Variants in CTNNA3 observed in about 807,000 individuals in gnomAD.
CTNNA3 encodes the protein catenin alpha 3, also known as catenin alpha-3.
CTNNA3 carries 76 observed loss-of-function variants against 95.7 expected under a neutral mutation model. The ratio of observed to expected loss-of-function variants is 0.79; its 90% confidence interval spans 0.66 to 0.96. The LOEUF (loss-of-function observed/expected upper bound fraction) is 0.96. CTNNA3 is among the 40% of genes least tolerant of loss of function. The probability of loss-of-function intolerance (pLI) is 0.00; values close to 1 mark genes in which losing one functional copy is unlikely to be tolerated. For synonymous variants in CTNNA3, 431 were observed against 374.4 expected (o/e 1.15, Z -1.74); for missense variants, 1,191 against 1,089.8 (o/e 1.09, Z -1.31).
At chr10:66,534,469 CATATATATATATATATATAT>C (rs58455418) in intron 10 of CTNNA3, among the ~76,000 whole-genome samples, 96,737 of 146,828 alleles carry the variant, frequency 0.66, 34,546 homozygotes, top group Non-Finnish European at 0.8. Context: ...TTATAAAAAT[CATATATATATATATATATAT>C]ATATATATAT....
chr10:67,645,242 A>C (rs1839669785), intron 2 of CTNNA3, among the ~76,000 whole-genome samples: 1 of 152,088 alleles, frequency 6.6e-6, no homozygotes, highest in African/African-American at 2.4e-5. Flanking sequence ...TTTAATGTGA[A>C]TTTACTTAGA....
At chr10:67,238,553 T>G (rs1054703080) in intron 5 of CTNNA3, among the ~76,000 whole-genome samples, 16 of 152,122 alleles carry the variant, frequency 1.1e-4, no homozygotes, top group Admixed American at 3.3e-4. Context: ...TACCTTAAGA[T>G]AACAAATGAT....
intron 15 of CTNNA3, among the ~76,000 whole-genome samples, chr10:66,019,618 T>C (rs1003402181): frequency 6.6e-6 from 1 of 151,964 alleles, no homozygotes; most frequent in Non-Finnish European, 1.5e-5. Flanking sequence ...ATATATTAAA[T>C]GATCTAAGTA....
intron 11 of CTNNA3, among the ~76,000 whole-genome samples, chr10:66,486,665 A>T (rs1022784817): frequency 6.6e-6 from 1 of 152,168 alleles, no homozygotes; most frequent in Non-Finnish European, 1.5e-5. Flanking sequence ...GAACTAATAT[A>T]TGATCCCACA....
Position 67,726,564 on chromosome 10 carries a change from A to ATATATTACATATTATATAATATGTAATAT in CTNNA3, c.-2+36841_-2+36869dup, listed in dbSNP as rs1442152720. Reference sequence around the variant, plus strand: ...TATATTACATATTATATAATATAATATATATTACATATTATATAATATGTA... The same window carrying ATATATTACATATTATATAATATGTAATAT: ...TATATTACATATTATATAATATAATATATATTACATATTATATAATATGTAATATTATATTACATATTATATAATATGTA... On this transcript the variant is annotated intron_variant, in intron 1 of 17. Coordinates refer to the CTNNA3 transcript ENST00000684154. Among the ~76,000 whole-genome samples the ATATATTACATATTATATAATATGTAATAT allele has an allele frequency of 0.012, 843 of 70,826 alleles. 65 individuals are homozygous for ATATATTACATATTATATAATATGTAATAT. The East Asian group carries it at 0.2, about 17-fold the overall frequency. 46.5% of individuals were successfully genotyped at this position (70,826 alleles called of 152,430 possible). A position where few individuals can be genotyped will look rare whatever the true frequency, so the allele number is the denominator to read the frequency against.
intron 1 of CTNNA3, among the ~76,000 whole-genome samples, chr10:67,724,584 A>G (rs1009098483): frequency 1.3e-5 from 2 of 152,164 alleles, no homozygotes; most frequent in African/African-American, 4.8e-5. Flanking sequence ...TATCCACAGA[A>G]GTTCAGAGGA....
In CTNNA3 at chr10:67,726,585, ATG is replaced by A. The variant is rs1158127123; in HGVS notation, c.-2+36847_-2+36848del. 1.8e-3 allele frequency among the ~76,000 whole-genome samples: 118 copies of A among 66,110 alleles called. 1 individual carries two copies. The highest frequency in any genetic ancestry group is 9.1e-3 in the African/African-American group (109 of 11,960). 43.4% of individuals were successfully genotyped at this position (66,110 alleles called of 152,430 possible). On this transcript the variant is annotated intron_variant, in intron 1 of 17. Coordinates refer to the CTNNA3 transcript ENST00000684154. The stretch of plus-strand genomic sequence containing the variant: ...TAATATATATTACATATTATATAAT[ATG>A]TAATATTATATTACATATTATATAA...
intron 17 of CTNNA3, among the ~76,000 whole-genome samples, chr10:65,957,259 C>T (rs2077750672): frequency 1.3e-5 from 2 of 152,106 alleles, no homozygotes; most frequent in South Asian, 4.1e-4. Flanking sequence ...TTCCTCCATC[C>T]CTTTATTTTG....
chr10:67,575,317 C>T (rs1038934793), intron 3 of CTNNA3, among the ~76,000 whole-genome samples: 1 of 140,744 alleles, frequency 7.1e-6, no homozygotes, highest in Non-Finnish European at 1.5e-5. Context: ...TCTTCTGAAA[C>T]CGTATGTCGT....
intron 5 of CTNNA3, among the ~76,000 whole-genome samples, chr10:67,451,018 G>A (rs1457992009): frequency 2.6e-5 from 4 of 151,992 alleles, no homozygotes; most frequent in Non-Finnish European, 4.4e-5. Flanking sequence ...TAAGAGGTAG[G>A]GCCTTTATGA....
At position 66,360,723 on chromosome 10, in the gene CTNNA3, CCTTTCTTT is replaced by C. The variant is rs796498927; in HGVS notation, c.1732+18421_1732+18428del. 1.4e-3 allele frequency among the ~76,000 whole-genome samples: 67 copies of C among 47,806 alleles called. 3 individuals are homozygous for C. Among genetic ancestry groups the C allele is most frequent in the African/African-American group, 5.2e-3 (61 of 11,844 alleles). The allele number at this position is 47,806 out of a possible 152,430, so 31.4% of individuals were successfully genotyped here. A position where few individuals can be genotyped will look rare whatever the true frequency, so the allele number is the denominator to read the frequency against. On this transcript the variant is annotated intron_variant, in intron 12 of 17. Coordinates refer to ENST00000433211, the MANE Select transcript of CTNNA3 (RefSeq NM_013266.4). Reference sequence around the variant, plus strand: ...TTCTTTCTTTCCTCCTTCCTTTCTTCCTTTCTTTCTTTCTTTCTTTCTTCCTTCCTTCC... The same window carrying C: ...TTCTTTCTTTCCTCCTTCCTTTCTTCCTTTCTTTCTTTCTTCCTTCCTTCC...
At chr10:66,201,089 T>G (rs1331204377) in intron 13 of CTNNA3, among the ~76,000 whole-genome samples, 2 of 152,222 alleles carry the variant, frequency 1.3e-5, no homozygotes, top group African/African-American at 4.8e-5. Flanking sequence ...ATCTATAAAC[T>G]TATGTGATTT....
chr10:66,332,306 G>T (rs1460323770), intron 12 of CTNNA3, among the ~76,000 whole-genome samples: 1 of 151,710 alleles, frequency 6.6e-6, no homozygotes, highest in African/African-American at 2.4e-5. Context: ...GTGAGAGAGG[G>T]TATCCCTGTC....
At chr10:66,855,745 G>A (rs907090895) in intron 7 of CTNNA3, among the ~76,000 whole-genome samples, 4 of 151,900 alleles carry the variant, frequency 2.6e-5, no homozygotes, top group Admixed American at 2.6e-4. Flanking sequence ...AAGCTATCTT[G>A]CATTAAAAGA....
intron 13 of CTNNA3, among the ~76,000 whole-genome samples, chr10:66,163,534 C>T (rs531682212): frequency 7.9e-5 from 12 of 152,156 alleles, no homozygotes; most frequent in Non-Finnish European, 1.8e-4. Context: ...CCCACTTCTT[C>T]AGTTAGGACA....
intron 1 of CTNNA3, among the ~76,000 whole-genome samples, chr10:67,659,218 C>A (rs1840110586): frequency 6.6e-6 from 1 of 152,066 alleles, no homozygotes; most frequent in African/African-American, 2.4e-5. Context: ...AATAGCTGGT[C>A]AAATCTAATC....
At position 66,387,624 on chromosome 10, in the gene CTNNA3, TACA is replaced by T. The variant is rs1351619831; in HGVS notation, c.1532-8275_1532-8273del. ...ATATACAAAGGATTATAAATCATGC[TACA>T]ATAAAGACACATGCACACGTATGTT... On this transcript the variant is annotated intron_variant, in intron 11 of 17. Transcript: ENST00000433211. 5.3e-5 allele frequency among the ~76,000 whole-genome samples: 8 copies of T among 152,302 alleles called. No homozygotes were observed. In the East Asian group the frequency reaches 1.2e-3, roughly 22 times the overall value.
At chr10:67,528,315 C>T (rs1000021669) in intron 4 of CTNNA3, among the ~76,000 whole-genome samples, 1 of 152,100 alleles carries the variant, frequency 6.6e-6, no homozygotes, top group Non-Finnish European at 1.5e-5. Context: ...GAAGTCCCCT[C>T]ATCATTACCC....
At position 66,927,515 on chromosome 10, in the gene CTNNA3, T is replaced by G; in HGVS notation, c.1048-151991A>C. 1 of 1,614,154 alleles carries G rather than the reference T, an allele frequency of 6.2e-7. No individual in the cohort carries two copies. Among genetic ancestry groups the G allele is most frequent in the Non-Finnish European group, 8.5e-7 (1 of 1,180,036 alleles). ...CGGATCCGAAGTTTAGCCAGGAATG[T>G]CTTTGCTGGCATGATCAGACTCAAA... On this transcript the variant is annotated intron_variant, in intron 7 of 17. Transcript: ENST00000433211. This position sits in a 1 kb window ranked among gnomAD's most constrained non-coding sequence, Gnocchi z 4.7.
Sources: allele counts gnomAD v4.1 joint callset (sites outside exome capture counted in the v4.1 genomes callset), GRCh38; gene constraint gnomAD v4.1.1; non-coding constraint Gnocchi (gnomAD v3.1); transcripts MANE v1.5; gene names NCBI Gene and HGNC (gene_info 2026-07-23, HGNC 2026-07-21).